Variants in GIPC2 observed in about 807,000 individuals in gnomAD.
GIPC2 encodes the protein GIPC PDZ domain containing family member 2.
GIPC2 carries 30 observed loss-of-function variants against 30.6 expected under a neutral mutation model. The observed-to-expected ratio is 0.98, with a 90% CI of 0.73 to 1.33. GIPC2 has a LOEUF of 1.33. Among genes scored for constraint, GIPC2 ranks in the 40% most tolerant of loss-of-function variants. The pLI is 0.00. For missense variants in GIPC2, 414 were observed against 390.3 expected, an observed-to-expected ratio of 1.06 and a Z score of -0.51; for synonymous variants, 167 against 150.0, an observed-to-expected ratio of 1.11 and a Z score of -0.83.
chr1:78,092,390 C>A (rs936013968), intron 2 of GIPC2, among the ~76,000 whole-genome samples: 1 of 152,278 alleles, frequency 6.6e-6, no homozygotes, highest in Admixed American at 6.5e-5. Flanking sequence ...AATAAATCTT[C>A]TCTACCTTTT....
chr1:78,082,821 G>A (rs1661856883), intron 2 of GIPC2, among the ~76,000 whole-genome samples: 1 of 151,986 alleles, frequency 6.6e-6, no homozygotes, highest in African/African-American at 2.4e-5. Context: ...ATTGGGAGAG[G>A]ATAATTTCAA....
At chr1:78,058,216 C>T (rs1557527304) in intron 1 of GIPC2, among the ~76,000 whole-genome samples, 2 of 152,108 alleles carry the variant, frequency 1.3e-5, no homozygotes, top group African/African-American at 2.4e-5. Flanking sequence ...TTCTGTTCCT[C>T]ATCTGTTAAG....
At chr1:78,071,099 GA>G (rs992195615) in intron 1 of GIPC2, among the ~76,000 whole-genome samples, 4 of 152,050 alleles carry the variant, frequency 2.6e-5, no homozygotes, top group African/African-American at 9.7e-5. Flanking sequence ...TGTAGCTATT[GA>G]CAAGATGAAG....
At chr1:78,114,284 C>T (rs144773213) in intron 3 of GIPC2, among the ~76,000 whole-genome samples, 24 of 152,286 alleles carry the variant, frequency 1.6e-4, no homozygotes, top group Admixed American at 3.3e-4. Context: ...TGTGCAGATC[C>T]GTTCATGTGA....
chr1:78,069,067 A>G (rs1571484665), intron 1 of GIPC2: 1 of 985,278 alleles, frequency 1.0e-6, no homozygotes, highest in South Asian at 4.7e-5. Flanking sequence ...AGAGAGTTGG[A>G]AGAAACTGCT....
At chr1:78,045,951 T>C (rs1661058526), upstream of GIPC2, 3 of 1,370,240 alleles carry the variant, frequency 2.2e-6, no homozygotes, top group South Asian at 1.8e-5. Flanking sequence ...GTCGGGGCCC[T>C]GACCCGACGC....
chr1:78,086,706 G>A (rs1351519257), intron 2 of GIPC2, among the ~76,000 whole-genome samples: 2 of 152,090 alleles, frequency 1.3e-5, no homozygotes, highest in African/African-American at 4.8e-5. Flanking sequence ...TTTGATCTTT[G>A]TTGGTTTGAA....
At chr1:78,045,740 A>AT, upstream of GIPC2, 4 of 985,480 alleles carry the variant, frequency 4.1e-6, no homozygotes, top group Non-Finnish European at 4.8e-6. Context: ...AAAAGCAGAG[A>AT]AGGGCCAGCG....
chr1:78,092,476 G>A (rs894771683), intron 2 of GIPC2, among the ~76,000 whole-genome samples: 5 of 152,124 alleles, frequency 3.3e-5, no homozygotes, highest in African/African-American at 1.2e-4. Flanking sequence ...AGTAAATAAA[G>A]TATAGCATTA....
chr1:78,105,749 A>T (rs1330284904), intron 3 of GIPC2, among the ~76,000 whole-genome samples: 2 of 152,228 alleles, frequency 1.3e-5, no homozygotes, highest in Admixed American at 1.3e-4. Context: ...TAATCTGAAT[A>T]GTATGACTAT....
rs1306938639 is a variant in GIPC2, at chr1:78,094,789, T to C, written c.427-163T>C. On this transcript the variant is annotated intron_variant, in intron 2 of 5. Coordinates refer to ENST00000370759, the MANE Select transcript of GIPC2 (RefSeq NM_017655.6). The stretch of plus-strand genomic sequence containing the variant: ...TGTCTCAAAAGCATAAAAAGTACTG[T>C]TACACAGTTTTTTTTTAAACCTGTA... 9.3e-6 allele frequency: 5 copies of C among 535,542 alleles called. No homozygotes were observed. The Admixed American group carries it at 1.6e-4, about 17-fold the overall frequency. The allele number at this position is 535,542 out of a possible 1,614,324, so 33.2% of individuals were successfully genotyped here. A position where few individuals can be genotyped will look rare whatever the true frequency, so the allele number is the denominator to read the frequency against.
intron 5 of GIPC2, among the ~76,000 whole-genome samples, chr1:78,128,507 G>A (rs1662826930): frequency 6.6e-6 from 1 of 152,084 alleles, no homozygotes; most frequent in South Asian, 2.1e-4. Flanking sequence ...TATAAATAGA[G>A]GCATCAACGT....
At chr1:78,112,381 T>C (rs1224380050) in intron 3 of GIPC2, 5 of 517,482 alleles carry the variant, frequency 9.7e-6, no homozygotes, top group African/African-American at 9.6e-5. Flanking sequence ...TTGTTGACCT[T>C]CTCTGTGTCC....
chr1:78,067,616 C>A (rs574715229), intron 1 of GIPC2, among the ~76,000 whole-genome samples: 6 of 152,182 alleles, frequency 3.9e-5, no homozygotes, highest in African/African-American at 1.4e-4. Context: ...CCATGCCCGG[C>A]TAATTTTTGT....
chr1:78,109,560 G>A (rs1384896410), intron 3 of GIPC2, among the ~76,000 whole-genome samples: 2 of 152,140 alleles, frequency 1.3e-5, no homozygotes, highest in South Asian at 2.1e-4. Context: ...CATGAAATTA[G>A]GATAATAATC....
At chr1:78,128,710 A>T (rs1662831906) in intron 5 of GIPC2, among the ~76,000 whole-genome samples, 1 of 152,202 alleles carries the variant, frequency 6.6e-6, no homozygotes, top group Non-Finnish European at 1.5e-5. Context: ...ATGATATAGT[A>T]TTGCTTACAG....
At chr1:78,101,789 A>G (rs1302639960) in intron 3 of GIPC2, among the ~76,000 whole-genome samples, 3 of 152,144 alleles carry the variant, frequency 2.0e-5, no homozygotes, top group Non-Finnish European at 2.9e-5. Context: ...CCTTTTGCCA[A>G]TGAAAAGGAG....
intron 3 of GIPC2, among the ~76,000 whole-genome samples, chr1:78,106,772 C>T (rs1479175937): frequency 2.6e-5 from 4 of 151,982 alleles, no homozygotes; most frequent in Admixed American, 2.6e-4. Flanking sequence ...CCTCTGTTGC[C>T]CAGGTTCAAG....
rs768222518 is a variant in GIPC2 at position 78,135,618 on chromosome 1, G to T, written c.823G>T (p.Asp275Tyr). 6.3e-7 allele frequency: 1 copy of T among 1,596,416 alleles called. No individual in the cohort carries two copies. Among genetic ancestry groups the T allele is most frequent in the Admixed American group, 1.7e-5 (1 of 58,328 alleles). Residue 275 changes from aspartate (D) to tyrosine (Y), a missense_variant, in exon 6 of 6, where the codon GAC becomes TAC. Physicochemically the swap from Asp to Tyr is radical, Grantham distance 160. Coordinates refer to ENST00000370759, the MANE Select transcript of GIPC2 (RefSeq NM_017655.6). ...CACCACAATGTTTGAAGCTGGAAAG[G>T]ACAAAGTAAATCCAGATGAATTTGC... is the stretch of plus-strand genomic sequence containing the variant. ...LATTMFEAGK[D>Y]KVNPDEFAVA...
Sources: allele counts gnomAD v4.1 joint callset (sites outside exome capture counted in the v4.1 genomes callset), GRCh38; gene constraint gnomAD v4.1.1; transcripts MANE v1.5; gene names NCBI Gene and HGNC (gene_info 2026-07-23, HGNC 2026-07-21).